The following CDIP1 variants were observed in gnomAD, a reference collection of about 807,000 sequenced individuals.
CDIP1 encodes the protein cell death-inducing p53-target protein 1.
A neutral mutation model predicts 17.7 loss-of-function variants in CDIP1; 9 were observed. The ratio of observed to expected loss-of-function variants is 0.51; its 90% CI spans 0.31 to 0.89. The LOEUF (loss-of-function observed/expected upper bound fraction) is 0.89. CDIP1 is among the 40% of genes least tolerant of loss of function. The pLI, the probability that CDIP1 is intolerant of heterozygous loss-of-function variation, is 0.05. For synonymous variants in CDIP1, 117 were observed against 109.5 expected, an observed-to-expected ratio of 1.07 and a Z score of -0.43; for missense variants, 263 against 277.9, an observed-to-expected ratio of 0.95 and a Z score of 0.38.
chr16:4,523,437 C>T (rs1444754100), intron 1 of CDIP1, among the ~76,000 whole-genome samples: 1 of 152,102 alleles, frequency 6.6e-6, no homozygotes, highest in Non-Finnish European at 1.5e-5. Context: ...TCACTTGAAC[C>T]CAGGAGGCGG....
intron 1 of CDIP1, among the ~76,000 whole-genome samples, chr16:4,517,392 C>CTT (rs1410994924): frequency 2.0e-5 from 3 of 152,148 alleles, no homozygotes; most frequent in Non-Finnish European, 4.4e-5. Flanking sequence ...CAGCATGACT[C>CTT]TCCCACCCTC....
rs909129621 is a variant in CDIP1 at position 4,511,257 on chromosome 16, C to G, written c.*1315G>C. 1 of 152,740 alleles carries G rather than the reference C, an allele frequency of 6.5e-6. No homozygotes were observed. Among genetic ancestry groups the G allele is most frequent in the Non-Finnish European group, 1.5e-5 (1 of 68,150 alleles). The allele number at this position is 152,740 out of a possible 1,614,324, so 9.5% of individuals were successfully genotyped here. A position where few individuals can be genotyped will look rare whatever the true frequency, so the allele number is the denominator to read the frequency against. Reference sequence around the variant, plus strand: ...CTCAGCCTCCCGTCCTGCCAGTAGACTGCCTGCAGCCCCACCCTCTTTCCC... The same window carrying G: ...CTCAGCCTCCCGTCCTGCCAGTAGAGTGCCTGCAGCCCCACCCTCTTTCCC... On this transcript the variant is annotated 3_prime_UTR_variant, in exon 6 of 6. Transcript: ENST00000567695.
chr16:4,534,602 T>C (rs1204017958), intron 1 of CDIP1, among the ~76,000 whole-genome samples: 1 of 151,652 alleles, frequency 6.6e-6, no homozygotes, highest in African/African-American at 2.4e-5. Context: ...GGCTGACAGG[T>C]GAGAACAACG....
rs2058858767 is a variant in CDIP1 at position 4,513,779 on chromosome 16, G to A, written c.158C>T (p.Pro53Leu). The A allele has an allele frequency of 1.2e-6, 2 of 1,609,628 alleles. No homozygotes were observed. The highest frequency in any genetic ancestry group is 2.7e-5 in the African/African-American group (2 of 74,830). Residue 53 changes from proline to leucine, a missense_variant, in exon 4 of 6, where the codon CCC (proline) becomes CTC (leucine). Pro to Leu is a moderately conservative substitution (Grantham distance 98). Transcript: ENST00000567695. This position sits in a 1 kb window ranked among gnomAD's most constrained non-coding sequence, Gnocchi z 4.1. ...PLPPADIGPP[P>L]YEPPGHPMPQ... Reference sequence around the variant, plus strand: ...CATTGGGTGACCCGGCGGCTCATAGGGTGGGGGGCCAATGTCCGCAGGGGG... The same window carrying A: ...CATTGGGTGACCCGGCGGCTCATAGAGTGGGGGGCCAATGTCCGCAGGGGG...
At chr16:4,516,698 CTTTTTTTT>C (rs767463500) in intron 1 of CDIP1, among the ~76,000 whole-genome samples, 50 of 78,100 alleles carry the variant, frequency 6.4e-4, no homozygotes, top group Admixed American at 1.8e-3. Context: ...GTTTTAAATC[CTTTTTTTT>C]TTTTTTTTTT....
At chr16:4,537,380 C>A (rs1419645548) in intron 1 of CDIP1, among the ~76,000 whole-genome samples, 1 of 152,166 alleles carries the variant, frequency 6.6e-6, no homozygotes, top group Non-Finnish European at 1.5e-5. Context: ...CTGGGCATAA[C>A]CTTTCCGATT....
chr16:4,522,755 T>C (rs1037309180), intron 1 of CDIP1, among the ~76,000 whole-genome samples: 3 of 152,098 alleles, frequency 2.0e-5, no homozygotes, highest in Admixed American at 2.0e-4. Context: ...GGGAAGATGC[T>C]CTCAGTCCAG....
chr16:4,512,148 C>A lies in CDIP1; in HGVS notation c.*424G>T. 1 of 187,800 alleles carries A rather than the reference C, an allele frequency of 5.3e-6. No homozygotes were observed. 11.6% of individuals were successfully genotyped at this position (187,800 alleles called of 1,614,324 possible). On this transcript the variant is annotated 3_prime_UTR_variant, in exon 6 of 6. Transcript: ENST00000567695. The surrounding 1 kb of genome is among the most constrained non-coding windows in gnomAD (Gnocchi z 4.6). Reference sequence around the variant, plus strand: ...GACAACTTACCCATTCTCGGCCCAGCAGGTCAGAAACGCCTGTGGCCACAG... The same window carrying A: ...GACAACTTACCCATTCTCGGCCCAGAAGGTCAGAAACGCCTGTGGCCACAG...
chr16:4,534,100 G>GC (rs1388298469), intron 1 of CDIP1, among the ~76,000 whole-genome samples: 1 of 151,960 alleles, frequency 6.6e-6, no homozygotes, highest in East Asian at 1.9e-4. Context: ...ACAGGCACCT[G>GC]CCCCCACACC....
chr16:4,519,862 G>A (rs1044106889), intron 1 of CDIP1, among the ~76,000 whole-genome samples: 1 of 152,048 alleles, frequency 6.6e-6, no homozygotes, highest in Non-Finnish European at 1.5e-5. Flanking sequence ...AATGGAAGCA[G>A]CCTGAGGCCC....
chr16:4,535,575 G>T (rs1006567844), intron 1 of CDIP1, among the ~76,000 whole-genome samples: 3 of 152,222 alleles, frequency 2.0e-5, no homozygotes, highest in African/African-American at 4.8e-5. Context: ...ACCTATCACA[G>T]ACGCGGCCAG....
intron 1 of CDIP1, among the ~76,000 whole-genome samples, chr16:4,520,501 T>C (rs955071003): frequency 6.6e-6 from 1 of 152,202 alleles, no homozygotes; most frequent in Admixed American, 6.5e-5. Flanking sequence ...TTGGTGTACC[T>C]TGCATTTGGA....
chr16:4,529,640 T>G (rs2059034995), intron 1 of CDIP1, among the ~76,000 whole-genome samples: 1 of 152,192 alleles, frequency 6.6e-6, no homozygotes. Context: ...AGAAACAGCA[T>G]GAACCTAAAG....
intron 1 of CDIP1, among the ~76,000 whole-genome samples, chr16:4,534,620 A>G (rs897815329): frequency 6.6e-6 from 1 of 151,488 alleles, no homozygotes; most frequent in African/African-American, 2.4e-5. Flanking sequence ...ACGCATGTTC[A>G]TAGGGCGGTA....
intron 1 of CDIP1, among the ~76,000 whole-genome samples, chr16:4,519,764 A>G (rs2058925676): frequency 1.3e-5 from 2 of 152,042 alleles, no homozygotes; most frequent in Admixed American, 6.6e-5. Flanking sequence ...GCTGGTTGTC[A>G]GAAAGAGCCC....
chr16:4,516,055 A>G (rs184669726), intron 1 of CDIP1, among the ~76,000 whole-genome samples: 121 of 152,354 alleles, frequency 7.9e-4, no homozygotes, highest in African/African-American at 2.7e-3. Flanking sequence ...GGATAAACAA[A>G]ACCGTAGGCT....
At chr16:4,525,481 C>G (rs1284261305) in intron 1 of CDIP1, among the ~76,000 whole-genome samples, 2 of 152,120 alleles carry the variant, frequency 1.3e-5, no homozygotes, top group Admixed American at 6.6e-5. Context: ...GGAAGTGCTC[C>G]AAGTGAGGAG....
At chr16:4,534,033 C>CCCCAACT (rs1262515875) in intron 1 of CDIP1, among the ~76,000 whole-genome samples, 1 of 152,070 alleles carries the variant, frequency 6.6e-6, no homozygotes, top group African/African-American at 2.4e-5. Context: ...TAGCTGCAAC[C>CCCCAACT]CCCAACTCCC....
At chr16:4,537,475 C>A (rs1032812679) in intron 1 of CDIP1, among the ~76,000 whole-genome samples, 1 of 152,176 alleles carries the variant, frequency 6.6e-6, no homozygotes, top group Non-Finnish European at 1.5e-5. Context: ...GCAAAGAACC[C>A]AGGAGAGCAG....
Sources: gnomAD v4.1 joint callset for allele counts (sites outside exome capture counted in the v4.1 genomes callset) on GRCh38, gnomAD v4.1.1 for gene constraint, Gnocchi (gnomAD v3.1) non-coding constraint, MANE v1.5 for transcripts, NCBI Gene and HGNC (gene_info 2026-07-23, HGNC 2026-07-21) for gene names.